Variants in LRFN5 observed in about 807,000 individuals in gnomAD.
LRFN5 encodes leucine rich repeat and fibronectin type III domain containing 5, also known as leucine-rich repeat and fibronectin type-III domain-containing protein 5.
Under a neutral mutation model 45.6 loss-of-function variants are expected in LRFN5, and 24 were observed. The observed-to-expected ratio is 0.53, with a 90% CI of 0.38 to 0.74. LRFN5 has a LOEUF of 0.74. LRFN5 is among the 30% of genes least tolerant of loss of function. LRFN5 has a pLI of 0.00. For synonymous variants in LRFN5, 340 were observed against 313.8 expected (o/e 1.08, Z -0.88); for missense variants, 776 against 861.5 (o/e 0.90, Z 1.24).
chr14:41,734,294 A>C (rs1269787035), intron 1 of LRFN5, among the ~76,000 whole-genome samples: 3 of 112,252 alleles, frequency 2.7e-5, no homozygotes, highest in Non-Finnish European at 5.7e-5. Flanking sequence ...TACAGGCGTG[A>C]GCCACCTTTC....
chr14:41,627,569 G>A (rs1888377119), intron 1 of LRFN5, among the ~76,000 whole-genome samples: 1 of 152,076 alleles, frequency 6.6e-6, no homozygotes, highest in African/African-American at 2.4e-5. Context: ...TTGACGTCAT[G>A]AAATCCTAAC....
intron 1 of LRFN5, among the ~76,000 whole-genome samples, chr14:41,747,073 G>T (rs1298405618): frequency 1.3e-5 from 2 of 151,896 alleles, no homozygotes; most frequent in African/African-American, 4.8e-5. Context: ...AGATTAGAAA[G>T]AATCCCTATG....
At chr14:41,823,145 T>G (rs1888180126) in intron 2 of LRFN5, among the ~76,000 whole-genome samples, 1 of 151,968 alleles carries the variant, frequency 6.6e-6, no homozygotes, top group Admixed American at 6.6e-5. Context: ...AGGTTAATAT[T>G]TATATGTGAC....
In LRFN5 at chr14:41,893,111, T is replaced by C. The variant is rs1293683049; in HGVS notation, c.2098+1149T>C. On this transcript the variant is annotated intron_variant, in intron 4 of 5. Coordinates refer to ENST00000298119, the MANE Select transcript of LRFN5 (RefSeq NM_152447.5). ...CACTATAGTTTTTGCATTTGAATGTTTTCCTTTTAAAGTAAATGCATTTGC... is the reference window on the plus strand; with the variant it reads ...CACTATAGTTTTTGCATTTGAATGTCTTCCTTTTAAAGTAAATGCATTTGC... 5 of 984,810 alleles carry C rather than the reference T, an allele frequency of 5.1e-6. No individual in the cohort carries two copies. The East Asian group carries it at 5.7e-4, about 112-fold the overall frequency. 61.0% of individuals were successfully genotyped at this position (984,810 alleles called of 1,614,324 possible). A position where few individuals can be genotyped will look rare whatever the true frequency, so the allele number is the denominator to read the frequency against.
At chr14:41,890,132 G>C (rs1042455734) in intron 3 of LRFN5, among the ~76,000 whole-genome samples, 1 of 152,046 alleles carries the variant, frequency 6.6e-6, no homozygotes, top group African/African-American at 2.4e-5. Context: ...CCAAAGTGCT[G>C]GGATTACAGG....
intron 1 of LRFN5, among the ~76,000 whole-genome samples, chr14:41,741,500 A>G (rs1199358250): frequency 6.6e-6 from 1 of 151,822 alleles, no homozygotes; most frequent in African/African-American, 2.4e-5. Context: ...CACATTCAGA[A>G]GCATGAAATT....
chr14:41,621,519 A>C (rs2138559143), intron 1 of LRFN5, among the ~76,000 whole-genome samples: 1 of 152,276 alleles, frequency 6.6e-6, no homozygotes, highest in Non-Finnish European at 1.5e-5. Flanking sequence ...CCTACAGGTG[A>C]ACAATGTGTA....
chr14:41,649,317 A>G (rs907020703), intron 1 of LRFN5, among the ~76,000 whole-genome samples: 9 of 149,202 alleles, frequency 6.0e-5, no homozygotes, highest in African/African-American at 2.2e-4. Context: ...AATAATATTG[A>G]GAAAATGATA....
chr14:41,631,125 G>T (rs1888518221), intron 1 of LRFN5, among the ~76,000 whole-genome samples: 1 of 152,066 alleles, frequency 6.6e-6, no homozygotes, highest in African/African-American at 2.4e-5. Flanking sequence ...ACTCAAACTT[G>T]CTCTCTGACA....
At chr14:41,885,371 CAT>C (rs901863334) in intron 2 of LRFN5, among the ~76,000 whole-genome samples, 1 of 149,992 alleles carries the variant, frequency 6.7e-6, no homozygotes, top group African/African-American at 2.4e-5. Flanking sequence ...CCTGATGCAA[CAT>C]ATGAGAGCTT....
intron 2 of LRFN5, among the ~76,000 whole-genome samples, chr14:41,869,432 T>A (rs1272318580): frequency 6.6e-6 from 1 of 151,894 alleles, no homozygotes; most frequent in African/African-American, 2.4e-5. Flanking sequence ...ATGCAGCTTT[T>A]TTTTTTTTAA....
chr14:41,755,121 T>A (rs1361297462), intron 1 of LRFN5, among the ~76,000 whole-genome samples: 3 of 152,224 alleles, frequency 2.0e-5, no homozygotes, highest in African/African-American at 7.2e-5. Context: ...TGCACTGTGG[T>A]CTGCGAGACA....
intron 1 of LRFN5, among the ~76,000 whole-genome samples, chr14:41,629,113 A>C (rs539078820): frequency 6.6e-6 from 1 of 152,316 alleles, no homozygotes; most frequent in Non-Finnish European, 1.5e-5. Context: ...CATTTGCAAA[A>C]AAAATACATT....
chr14:41,808,218 G>GGAAGGAAGGAAA (rs1887589969), intron 2 of LRFN5, among the ~76,000 whole-genome samples: 1 of 143,486 alleles, frequency 7.0e-6, no homozygotes, highest in Admixed American at 6.9e-5. Flanking sequence ...AAGGAAGGAA[G>GGAAGGAAGGAAA]GAAGGAAGGA....
At chr14:41,770,426 T>A (rs1886040801) in intron 2 of LRFN5, among the ~76,000 whole-genome samples, 1 of 152,180 alleles carries the variant, frequency 6.6e-6, no homozygotes, top group Non-Finnish European at 1.5e-5. Context: ...TCCTTCCACC[T>A]ATGAGCCTGT....
intron 1 of LRFN5, among the ~76,000 whole-genome samples, chr14:41,704,473 GA>G (rs2138732120): frequency 2.3e-5 from 1 of 43,972 alleles, no homozygotes; most frequent in African/African-American, 1.8e-4. Context: ...TGTGAGATTT[GA>G]AGTCTCACTA....
intron 1 of LRFN5, among the ~76,000 whole-genome samples, chr14:41,697,445 G>A (rs944178424): frequency 6.6e-6 from 1 of 151,738 alleles, no homozygotes; most frequent in Non-Finnish European, 1.5e-5. Flanking sequence ...TTAGACATGT[G>A]TTAAAATATG....
At chr14:41,693,323 T>C (rs1197743351) in intron 1 of LRFN5, among the ~76,000 whole-genome samples, 1 of 152,112 alleles carries the variant, frequency 6.6e-6, no homozygotes, top group East Asian at 1.9e-4. Context: ...TATAAATTGT[T>C]GTTGGCATAA....
chr14:41,854,450 T>C (rs1182785937), intron 2 of LRFN5, among the ~76,000 whole-genome samples: 2 of 151,948 alleles, frequency 1.3e-5, no homozygotes, highest in Non-Finnish European at 2.9e-5. Flanking sequence ...ACATGACACA[T>C]GTATACATAT....
Sources: allele counts gnomAD v4.1 joint callset (sites outside exome capture counted in the v4.1 genomes callset), GRCh38; gene constraint gnomAD v4.1.1; transcripts MANE v1.5; gene names NCBI Gene and HGNC (gene_info 2026-07-23, HGNC 2026-07-21).